The following AK5 variants were observed in gnomAD, a reference collection of about 807,000 sequenced individuals.
The protein encoded by AK5 is adenylate kinase 5, also known as adenylate kinase isoenzyme 5.
AK5 carries 27 observed loss-of-function variants against 69.5 expected under a neutral mutation model. That is an observed-to-expected ratio of 0.39 (90% confidence interval 0.29 to 0.54). AK5 has a LOEUF of 0.54. AK5 is among the 20% of genes least tolerant of loss of function. AK5 has a pLI of 0.71. For missense variants in AK5, 531 were observed against 700.4 expected (o/e 0.76, Z 2.73); for synonymous variants, 260 against 244.4 (o/e 1.06, Z -0.60).
chr1:77,365,867 T>A (rs1260006984), intron 6 of AK5, among the ~76,000 whole-genome samples: 1 of 152,190 alleles, frequency 6.6e-6, no homozygotes. Flanking sequence ...TTCTCTTTTA[T>A]TTCTAAATAT....
chr1:77,344,199 G>C (rs1661798163), intron 6 of AK5, among the ~76,000 whole-genome samples: 1 of 152,174 alleles, frequency 6.6e-6, no homozygotes, highest in South Asian at 2.1e-4. Context: ...GCTGTTGCTT[G>C]AATACTGTAT....
intron 8 of AK5, among the ~76,000 whole-genome samples, chr1:77,449,278 A>G (rs545646829): frequency 3.9e-5 from 6 of 152,228 alleles, no homozygotes; most frequent in Non-Finnish European, 8.8e-5. Flanking sequence ...GACCATGGGA[A>G]TCCACTTCTT....
rs762714026 is a variant in AK5, at chr1:77,358,018, T to TGTGTGTGTGTGTGTGTGAGA, written c.891+17451_891+17452insTGTGTGTGTGTGTGTGAGAG. Among the ~76,000 whole-genome samples the TGTGTGTGTGTGTGTGTGAGA allele has an allele frequency of 6.8e-4, 87 of 128,268 alleles. 1 individual carries two copies. The highest frequency in any genetic ancestry group is 6.7e-3 in the East Asian group (27 of 4,018). The allele number at this position is 128,268 out of a possible 152,430, so 84.1% of individuals were successfully genotyped here. On this transcript the variant is annotated intron_variant, in intron 6 of 13. Coordinates refer to ENST00000354567, the MANE Select transcript of AK5 (RefSeq NM_174858.3). The stretch of plus-strand genomic sequence containing the variant: ...GTGTGTGTGTGTGTGTGTGTGTGTG[T>TGTGTGTGTGTGTGTGTGAGA]GAGAGAGAGAGAGAGAGAGAGACAG...
intron 5 of AK5, among the ~76,000 whole-genome samples, chr1:77,310,607 T>G (rs1370692844): frequency 1.3e-5 from 2 of 152,064 alleles, no homozygotes; most frequent in Non-Finnish European, 2.9e-5. Flanking sequence ...GGTCTCAATC[T>G]CCTGACCTGG....
At chr1:77,497,649 G>A (rs1656424877) in intron 10 of AK5, among the ~76,000 whole-genome samples, 1 of 152,222 alleles carries the variant, frequency 6.6e-6, no homozygotes, top group Non-Finnish European at 1.5e-5. Context: ...GTGCAGTGGT[G>A]CAATCATGGC....
At chr1:77,552,587 G>C (rs1659875953) in intron 13 of AK5, among the ~76,000 whole-genome samples, 1 of 152,190 alleles carries the variant, frequency 6.6e-6, no homozygotes, top group Non-Finnish European at 1.5e-5. Context: ...AGGTAATAGA[G>C]TGCATTCAAA....
At chr1:77,355,507 A>G (rs1479488650) in intron 6 of AK5, among the ~76,000 whole-genome samples, 2 of 151,994 alleles carry the variant, frequency 1.3e-5, no homozygotes, top group African/African-American at 2.4e-5. Flanking sequence ...GCAGCTAAGG[A>G]CTTTTCCCTC....
intron 6 of AK5, among the ~76,000 whole-genome samples, chr1:77,409,188 T>G (rs1449186104): frequency 1.3e-5 from 2 of 152,204 alleles, no homozygotes; most frequent in African/African-American, 2.4e-5. Context: ...GTTGATTCCA[T>G]GTATTTGCTA....
rs1004678587 is a variant in AK5, at chr1:77,282,153, G to A, written c.-161G>A. 25 of 531,216 alleles carry A rather than the reference G, an allele frequency of 4.7e-5. No homozygotes were observed. The highest frequency in any genetic ancestry group is 7.6e-5 in the Non-Finnish European group (24 of 314,652). The allele number at this position is 531,216 out of a possible 1,614,324, so 32.9% of individuals were successfully genotyped here. On this transcript the variant is annotated 5_prime_UTR_variant, in exon 1 of 14. Transcript: ENST00000354567. ...ACAGCCCCCGGGGAGAGGCGGAGGG[G>A]GTCCCTGGCCTGGGCGGAGAGGCTG...
Position 77,287,049 on chromosome 1 carries a change from G to A in AK5, c.169G>A (p.Asp57Asn), listed in dbSNP as rs370854870. Residue 57 changes from aspartate to asparagine, a missense_variant, in exon 2 of 14, where the codon GAT becomes AAT. Physicochemically the swap from Asp to Asn is conservative, Grantham distance 23. Coordinates refer to ENST00000354567, the MANE Select transcript of AK5 (RefSeq NM_174858.3). The part of the protein sequence containing the change: ...ELGGCDKVKW[D>N]TFVSQEKKTL... ...GGGTGGCTGTGACAAGGTGAAATGG[G>A]ATACATTTGTAAGCCAGGAAAAGAA... 1 of 1,609,344 alleles carries A rather than the reference G, an allele frequency of 6.2e-7. No individual in the cohort carries two copies. The highest frequency in any genetic ancestry group is 8.5e-7 in the Non-Finnish European group (1 of 1,177,676).
intron 6 of AK5, among the ~76,000 whole-genome samples, chr1:77,347,246 G>A (rs1661962461): frequency 6.6e-6 from 1 of 152,198 alleles, no homozygotes; most frequent in Non-Finnish European, 1.5e-5. Context: ...TAAGTAAACA[G>A]TGCCTTCTGG....
At chr1:77,498,088 C>G (rs1022052883) in intron 10 of AK5, among the ~76,000 whole-genome samples, 1 of 152,078 alleles carries the variant, frequency 6.6e-6, no homozygotes, top group Admixed American at 6.5e-5. Flanking sequence ...TCCCAAGAGC[C>G]CTGCCAGAGC....
chr1:77,304,774 T>C (rs1396577166), intron 5 of AK5, among the ~76,000 whole-genome samples: 1 of 152,232 alleles, frequency 6.6e-6, no homozygotes, highest in Non-Finnish European at 1.5e-5. Context: ...ATCTTAGCTA[T>C]TGTAAACAGT....
chr1:77,351,080 A>C (rs1662166726), intron 6 of AK5, among the ~76,000 whole-genome samples: 1 of 152,216 alleles, frequency 6.6e-6, no homozygotes. Flanking sequence ...CAAAAATAAA[A>C]GGTTTGTTTC....
chr1:77,353,768 C>G (rs1168546947), intron 6 of AK5, among the ~76,000 whole-genome samples: 2 of 152,206 alleles, frequency 1.3e-5, no homozygotes, highest in Non-Finnish European at 2.9e-5. Context: ...GGCCCTTCCC[C>G]AGGCACAACT....
At chr1:77,328,502 A>G (rs537474683) in intron 5 of AK5, among the ~76,000 whole-genome samples, 242 of 152,134 alleles carry the variant, frequency 1.6e-3, no homozygotes, top group Admixed American at 3.5e-3. Flanking sequence ...TCTCAAAAAA[A>G]AAGAAAAAAA....
At chr1:77,434,635 TA>T (rs1283664004) in intron 8 of AK5, among the ~76,000 whole-genome samples, 1 of 152,118 alleles carries the variant, frequency 6.6e-6, no homozygotes, top group Non-Finnish European at 1.5e-5. Flanking sequence ...TCAGTTTTCC[TA>T]AATAATCAAA....
intron 12 of AK5, among the ~76,000 whole-genome samples, chr1:77,534,888 G>T (rs1205316184): frequency 6.6e-6 from 1 of 152,168 alleles, no homozygotes; most frequent in Non-Finnish European, 1.5e-5. Flanking sequence ...ATTATCTCTC[G>T]TGGTTCTGGA....
At chr1:77,409,756 T>C (rs1357789789) in intron 6 of AK5, among the ~76,000 whole-genome samples, 1 of 152,224 alleles carries the variant, frequency 6.6e-6, no homozygotes, top group East Asian at 1.9e-4. Flanking sequence ...TAGATCCCAC[T>C]TGTCAATTTT....
Sources: gnomAD v4.1 joint callset for allele counts (sites outside exome capture counted in the v4.1 genomes callset) on GRCh38, gnomAD v4.1.1 for gene constraint, MANE v1.5 for transcripts, NCBI Gene and HGNC (gene_info 2026-07-23, HGNC 2026-07-21) for gene names.